The following PTPRD variants were observed in gnomAD, a reference collection of about 807,000 sequenced individuals.
PTPRD encodes protein tyrosine phosphatase receptor type D.
A neutral mutation model predicts 214.5 loss-of-function variants in PTPRD; 34 were observed. The ratio of observed to expected loss-of-function variants is 0.16; its 90% CI spans 0.12 to 0.21. The LOEUF is 0.21. PTPRD is among the 10% of genes least tolerant of loss of function. The pLI is 1.00. For synonymous variants in PTPRD, 1,128 were observed against 845.7 expected (o/e 1.33, Z -5.79); for missense variants, 2,545 against 2,398.7 (o/e 1.06, Z -1.27).
At chr9:8,517,347 C>T (rs1047606363) in intron 21 of PTPRD, among the ~76,000 whole-genome samples, 1 of 152,096 alleles carries the variant, frequency 6.6e-6, no homozygotes, top group Non-Finnish European at 1.5e-5. Flanking sequence ...TGAGGCCATA[C>T]AGAGAAAAAC....
chr9:9,039,071 A>C (rs1292922417), intron 10 of PTPRD, among the ~76,000 whole-genome samples: 1 of 152,190 alleles, frequency 6.6e-6, no homozygotes, highest in Non-Finnish European at 1.5e-5. Flanking sequence ...TTAAGCTATG[A>C]AACAAAAAAA....
At chr9:10,596,819 G>A (rs1268216878) in intron 2 of PTPRD, among the ~76,000 whole-genome samples, 1 of 151,508 alleles carries the variant, frequency 6.6e-6, no homozygotes, top group African/African-American at 2.4e-5. Flanking sequence ...AATAATATCT[G>A]CTTTTAATAT....
intron 10 of PTPRD, among the ~76,000 whole-genome samples, chr9:9,140,428 G>A (rs2099858194): frequency 1.3e-5 from 2 of 152,046 alleles, no homozygotes; most frequent in Admixed American, 1.3e-4. Context: ...ACTAAAGAAG[G>A]ACAGATATAA....
chr9:9,914,712 CCATA>C (rs79073216), intron 5 of PTPRD, among the ~76,000 whole-genome samples: 10,294 of 152,138 alleles, frequency 0.068, 707 homozygotes, highest in East Asian at 0.24. Flanking sequence ...AAAAACATCC[CCATA>C]CATAAGCTGA....
intron 27 of PTPRD, among the ~76,000 whole-genome samples, chr9:8,488,717 C>T (rs1024874261): frequency 6.6e-6 from 1 of 152,090 alleles, no homozygotes; most frequent in Non-Finnish European, 1.5e-5. Flanking sequence ...ATCTTTAATT[C>T]CCCTTTATGT....
intron 6 of PTPRD, among the ~76,000 whole-genome samples, chr9:9,736,930 A>G (rs2098308569): frequency 6.6e-6 from 1 of 151,982 alleles, no homozygotes; most frequent in Non-Finnish European, 1.5e-5. Flanking sequence ...CCTATTGTTA[A>G]TTTTAATGCA....
intron 35 of PTPRD, among the ~76,000 whole-genome samples, chr9:8,413,844 A>G (rs2093700607): frequency 1.3e-5 from 2 of 152,274 alleles, no homozygotes; most frequent in East Asian, 3.9e-4. Context: ...ACTCTCAAAG[A>G]TTAGTATTTT....
At chr9:9,488,060 G>A (rs1198103737) in intron 8 of PTPRD, among the ~76,000 whole-genome samples, 2 of 152,116 alleles carry the variant, frequency 1.3e-5, no homozygotes, top group Non-Finnish European at 1.5e-5. Flanking sequence ...TATATATGTT[G>A]ATCCACTATT....
intron 4 of PTPRD, among the ~76,000 whole-genome samples, chr9:10,004,426 A>G (rs1224039504): frequency 6.6e-6 from 1 of 151,990 alleles, no homozygotes; most frequent in Non-Finnish European, 1.5e-5. Context: ...CCCAATCCCC[A>G]AAATGTATAT....
chr9:9,644,431 G>T (rs2096075224), intron 7 of PTPRD, among the ~76,000 whole-genome samples: 1 of 152,092 alleles, frequency 6.6e-6, no homozygotes, highest in African/African-American at 2.4e-5. Context: ...TTTATTCTCA[G>T]AATCATTATT....
At chr9:10,166,889 G>A (rs561479723) in intron 3 of PTPRD, among the ~76,000 whole-genome samples, 1 of 151,952 alleles carries the variant, frequency 6.6e-6, no homozygotes, top group East Asian at 1.9e-4. Context: ...ATATCTTGTA[G>A]GTATACAATA....
At chr9:10,300,809 C>A (rs2095840389) in intron 3 of PTPRD, among the ~76,000 whole-genome samples, 1 of 152,060 alleles carries the variant, frequency 6.6e-6, no homozygotes, top group South Asian at 2.1e-4. Context: ...AGACCGAGCA[C>A]CTGGGGGAAG....
At chr9:10,527,810 A>T (rs1022051782) in intron 2 of PTPRD, among the ~76,000 whole-genome samples, 1 of 152,162 alleles carries the variant, frequency 6.6e-6, no homozygotes, top group African/African-American at 2.4e-5. Flanking sequence ...ATAATTACTT[A>T]TGCATATAAT....
Position 8,376,588 on chromosome 9 carries a change from A to G in PTPRD, c.4506+19T>C. ...ACAATAGAGAAGGGAAAGGGAGGAG[A>G]AAAAGATGAAAAGCAAACCTTGTAA... is the stretch of plus-strand genomic sequence containing the variant. On this transcript the variant is annotated intron_variant, in intron 38 of 45. Transcript: ENST00000381196. 1 of 1,612,168 alleles carries G rather than the reference A, an allele frequency of 6.2e-7. No individual in the cohort carries two copies. The highest frequency in any genetic ancestry group is 8.5e-7 in the Non-Finnish European group (1 of 1,178,780).
chr9:8,430,784 C>G (rs1326778037), intron 35 of PTPRD, among the ~76,000 whole-genome samples: 1 of 152,136 alleles, frequency 6.6e-6, no homozygotes, highest in South Asian at 2.1e-4. Flanking sequence ...ATGCACTTCA[C>G]TCCTCTTCCT....
intron 6 of PTPRD, among the ~76,000 whole-genome samples, chr9:9,758,608 G>A (rs746285261): frequency 4.6e-5 from 7 of 152,106 alleles, no homozygotes; most frequent in Admixed American, 6.6e-5. Flanking sequence ...ACTTGCCAAG[G>A]AGAGTTACAT....
chr9:10,196,153 C>G (rs973434634), intron 3 of PTPRD, among the ~76,000 whole-genome samples: 12 of 152,078 alleles, frequency 7.9e-5, no homozygotes, highest in Admixed American at 2.6e-4. Flanking sequence ...AATGCATGGA[C>G]TTTATTGTAC....
chr9:8,918,694 G>C (rs2098804581), intron 11 of PTPRD, among the ~76,000 whole-genome samples: 1 of 152,146 alleles, frequency 6.6e-6, no homozygotes, highest in Admixed American at 6.5e-5. Context: ...GTACAATTTT[G>C]CTTAACTAGA....
In PTPRD at chr9:10,429,881, A is replaced by C. The variant is rs1164174551; in HGVS notation, c.-599-88864T>G. On this transcript the variant is annotated intron_variant, in intron 2 of 45. Transcript: ENST00000381196. ...GCATTGTTCCCCTTCCTTAGACAAAATTAAGGCACAGGGAGGTTATATAAT... is the reference window on the plus strand; with the variant it reads ...GCATTGTTCCCCTTCCTTAGACAAACTTAAGGCACAGGGAGGTTATATAAT... Among the ~76,000 whole-genome samples the C allele has an allele frequency of 6.6e-5, 10 of 151,894 alleles. No homozygotes were observed. In the East Asian group the frequency reaches 1.9e-3, roughly 30 times the overall value.
Sources: gnomAD v4.1 joint callset for allele counts (sites outside exome capture counted in the v4.1 genomes callset) on GRCh38, gnomAD v4.1.1 for gene constraint, MANE v1.5 for transcripts, NCBI Gene and HGNC (gene_info 2026-07-23, HGNC 2026-07-21) for gene names.